YJU2: variants seen among roughly 807,000 people sequenced by gnomAD.
YJU2 encodes the protein YJU2 splicing factor homolog, also known as splicing factor YJU2.
Under a neutral mutation model 39.6 loss-of-function variants are expected in YJU2, and 28 were observed. That is an observed-to-expected ratio of 0.71 (90% CI 0.52 to 0.97). The LOEUF (loss-of-function observed/expected upper bound fraction) is 0.97. YJU2 is among the 50% of genes least tolerant of loss of function. YJU2 has a pLI of 0.00. For missense variants in YJU2, 328 were observed against 430.4 expected (o/e 0.76, Z 2.11); for synonymous variants, 184 against 182.4 (o/e 1.01, Z -0.07).
chr19:4,255,146 C>T (rs1328872628), intron 4 of YJU2, among the ~76,000 whole-genome samples: 2 of 151,540 alleles, frequency 1.3e-5, no homozygotes, highest in African/African-American at 4.9e-5. Context: ...ATTGCATGAA[C>T]CCGGGAGGCA....
At chr19:4,254,685 T>A (rs60551017) in intron 4 of YJU2, among the ~76,000 whole-genome samples, 196 bp downstream of exon 4, 6 of 151,556 alleles carry the variant, frequency 4.0e-5, no homozygotes, top group African/African-American at 9.7e-5. Flanking sequence ...TTTGGGAGGC[T>A]GAGGCGGGAG....
In YJU2 at chr19:4,258,410, G is replaced by T. The variant is rs1373968374; in HGVS notation, c.574G>T (p.Glu192Ter). Residue 192 changes from glutamate (E) to a stop codon, truncating the protein, a stop_gained, in exon 5 of 8, where the codon GAG (glutamate) becomes TAG (stop). Coordinates refer to ENST00000262962, the MANE Select transcript of YJU2 (RefSeq NM_018074.6). LOFTEE classifies it high-confidence loss of function. ...GCGGAGGCAGCAGCAGGAGGAGGAC[G>T]AGCAGGAGACCGCGTGAGTCAGGGC... ...ERRRQQQEED[E>*]QETAALLEEA... is the part of the protein sequence containing the mutation. The T allele has an allele frequency of 6.3e-7, 1 of 1,590,328 alleles. No homozygotes were observed. Among genetic ancestry groups the T allele is most frequent in the Non-Finnish European group, 8.5e-7 (1 of 1,170,676 alleles).
In YJU2 at chr19:4,253,703, C is replaced by T. The variant is rs761603194; in HGVS notation, c.271-652C>T. 3.9e-5 allele frequency among the ~76,000 whole-genome samples: 6 copies of T among 152,174 alleles called. No homozygotes were observed. The South Asian group carries it at 6.2e-4, about 16-fold the overall frequency. On this transcript the variant is annotated intron_variant, in intron 3 of 7. Coordinates refer to ENST00000262962, the MANE Select transcript of YJU2 (RefSeq NM_018074.6). ...TAAGATACCAGGGTGTATTTAGCCT[C>T]TCTATTCAATAAACAAAAACAGGGG...
intron 4 of YJU2, among the ~76,000 whole-genome samples, chr19:4,256,536 A>T (rs1189859856): frequency 6.6e-6 from 1 of 152,188 alleles, no homozygotes; most frequent in African/African-American, 2.4e-5. Flanking sequence ...GGTGTTAGTC[A>T]GCTATTGCTA....
chr19:4,256,946 C>T (rs1325869625), intron 4 of YJU2, among the ~76,000 whole-genome samples: 3 of 152,228 alleles, frequency 2.0e-5, no homozygotes, highest in Non-Finnish European at 4.4e-5. Context: ...GAGCAAGTAG[C>T]TTGTCCAGCC....
At chr19:4,254,989 G>C (rs1313998203) in intron 4 of YJU2, among the ~76,000 whole-genome samples, 2 of 150,438 alleles carry the variant, frequency 1.3e-5, no homozygotes, top group Admixed American at 1.3e-4. Flanking sequence ...CGGGGAGGCA[G>C]ATGTTGCAGG....
chr19:4,266,306 A>G (rs906511722), intron 6 of YJU2, among the ~76,000 whole-genome samples: 3 of 151,878 alleles, frequency 2.0e-5, no homozygotes, highest in African/African-American at 7.3e-5. Context: ...CGCCCCTCAC[A>G]CCGTCAGCTT....
intron 6 of YJU2, among the ~76,000 whole-genome samples, chr19:4,264,497 T>TC (rs944726142): frequency 3.4e-5 from 5 of 149,080 alleles, no homozygotes; most frequent in Non-Finnish European, 7.4e-5. Flanking sequence ...TTCTTTCTTT[T>TC]TTTTTTTTTA....
rs1970929231 is a variant in YJU2 at position 4,247,490 on chromosome 19, C to T, written c.24+320C>T. 3 of 251,254 alleles carry T rather than the reference C, an allele frequency of 1.2e-5. No homozygotes were observed. In the South Asian group the frequency reaches 2.2e-4, roughly 18 times the overall value. 15.6% of individuals were successfully genotyped at this position (251,254 alleles called of 1,614,324 possible). On this transcript the variant is annotated intron_variant, in intron 1 of 7. Coordinates refer to ENST00000262962, the MANE Select transcript of YJU2 (RefSeq NM_018074.6). ...TTAAATGCTGGCGGCCGTGTTTTGC[C>T]CTCTTCTTGAGGGGCGTGGCTCTGA...
rs1970940559 is a variant in YJU2, at chr19:4,247,656, T to TG, written c.24+487dup. 5.4e-4 allele frequency among the ~76,000 whole-genome samples: 35 copies of TG among 64,362 alleles called. 2 individuals carry two copies. The highest frequency in any genetic ancestry group is 8.9e-3 in the Middle Eastern group (1 of 112). 42.2% of individuals were successfully genotyped at this position (64,362 alleles called of 152,430 possible). A position where few individuals can be genotyped will look rare whatever the true frequency, so the allele number is the denominator to read the frequency against. On this transcript the variant is annotated intron_variant, in intron 1 of 7. Coordinates refer to ENST00000262962, the MANE Select transcript of YJU2 (RefSeq NM_018074.6). ...GTGTGTGTGTGTGTGTGTGTGTGTG[T>TG]GTGTGTGTGTGTGTGTGTGTGTGTG...
chr19:4,268,637 T>C lies in YJU2; in HGVS notation c.913T>C (p.Ser305Pro). The C allele has an allele frequency of 6.2e-7, 1 of 1,613,862 alleles. No homozygotes were observed. Among genetic ancestry groups the C allele is most frequent in the Non-Finnish European group, 8.5e-7 (1 of 1,179,940 alleles). Residue 305 changes from serine (S) to proline (P), a missense_variant, in exon 8 of 8, where the codon TCC becomes CCC. Ser to Pro is a moderately conservative substitution (Grantham distance 74, BLOSUM62 -1). Transcript: ENST00000262962. The stretch of plus-strand genomic sequence containing the variant: ...CCCTACACCCCTGACGCCTGGCGCG[T>C]CCTCCCTGAGCCAACTGGGTGCATA... ...ANPTPLTPGA[S>P]SLSQLGAYLD...
intron 2 of YJU2, among the ~76,000 whole-genome samples, chr19:4,250,555 C>T (rs1970967615): frequency 6.6e-6 from 1 of 151,946 alleles, no homozygotes; most frequent in Admixed American, 6.6e-5. Flanking sequence ...TGAAGGGTGT[C>T]GCCGGCCATG....
At chr19:4,257,022 A>G (rs957462981) in intron 4 of YJU2, among the ~76,000 whole-genome samples, 1 of 152,154 alleles carries the variant, frequency 6.6e-6, no homozygotes, top group Non-Finnish European at 1.5e-5. Flanking sequence ...GTTTGTGGAC[A>G]TACTTTTAAA....
intron 6 of YJU2, 40 bp downstream of exon 6, chr19:4,262,154 C>G (rs1207734143): frequency 1.3e-6 from 2 of 1,554,046 alleles, no homozygotes; most frequent in Non-Finnish European, 8.7e-7. Context: ...CCCAGGTGAA[C>G]TAGGGACAAC....
intron 5 of YJU2, among the ~76,000 whole-genome samples, chr19:4,260,022 A>C (rs1467289847): frequency 6.6e-6 from 1 of 152,104 alleles, no homozygotes; most frequent in African/African-American, 2.4e-5. Context: ...AGGTCCAGGC[A>C]TGAGCCCCAC....
intron 6 of YJU2, among the ~76,000 whole-genome samples, chr19:4,263,108 C>G (rs1189533132): frequency 6.7e-6 from 1 of 149,126 alleles, no homozygotes; most frequent in African/African-American, 2.5e-5. Context: ...TTTACTAAAA[C>G]TGGTGGCAGG....
intron 3 of YJU2, among the ~76,000 whole-genome samples, chr19:4,253,198 T>TACACACACACACAC (rs58339658): frequency 2.2e-4 from 31 of 139,158 alleles, no homozygotes; most frequent in African/African-American, 7.6e-4. Flanking sequence ...TGTCCGTGTC[T>TACACACACACACAC]ACACACACAC....
chr19:4,259,071 CTTTTTTT>C (rs34728075), intron 5 of YJU2, among the ~76,000 whole-genome samples: 7 of 90,298 alleles, frequency 7.8e-5, no homozygotes, highest in African/African-American at 2.1e-4. Context: ...GAACACTTTT[CTTTTTTT>C]TTTTTTTTTT....
chr19:4,247,283 TC>T (rs1225904156), intron 1 of YJU2, 113 bp downstream of exon 1: 6 of 967,372 alleles, frequency 6.2e-6, no homozygotes, highest in African/African-American at 1.6e-5. Flanking sequence ...CCAGCGGCCT[TC>T]CGCGAGATGG....
Sources: allele counts gnomAD v4.1 joint callset (sites outside exome capture counted in the v4.1 genomes callset), GRCh38; gene constraint gnomAD v4.1.1; transcripts MANE v1.5; gene names NCBI Gene and HGNC (gene_info 2026-07-23, HGNC 2026-07-21).